The following CFAP53 variants were observed in gnomAD, a reference collection of about 807,000 sequenced individuals.
CFAP53 encodes cilia- and flagella-associated protein 53.
CFAP53 carries 62 observed loss-of-function variants against 59.7 expected under a neutral mutation model. The ratio of observed to expected loss-of-function variants is 1.04; its 90% CI spans 0.85 to 1.28. CFAP53 has a LOEUF of 1.28. Ranked by LOEUF, CFAP53 falls within the 50% of genes most tolerant of loss-of-function variation. CFAP53 has a pLI of 0.00. For missense variants in CFAP53, 629 were observed against 615.6 expected, an observed-to-expected ratio of 1.02 and a Z score of -0.23; for synonymous variants, 218 against 205.7, an observed-to-expected ratio of 1.06 and a Z score of -0.51.
intron 7 of CFAP53, among the ~76,000 whole-genome samples, chr18:50,233,998 A>T (rs1168644035): frequency 1.3e-5 from 2 of 152,132 alleles, no homozygotes; most frequent in African/African-American, 4.8e-5. Context: ...GCATCAGAAA[A>T]TCCGAGGGAT....
chr18:50,264,763 TTTTG>T (rs1306530056), intron 1 of CFAP53, among the ~76,000 whole-genome samples: 3 of 152,204 alleles, frequency 2.0e-5, no homozygotes, highest in Admixed American at 6.5e-5. Context: ...GGTTTAGTGT[TTTTG>T]TTTGTTTTCT....
At position 50,251,745 on chromosome 18, in the gene CFAP53, G is replaced by C; in HGVS notation, c.513C>G (p.Ile171Met). The change falls in exon 4 of 8, where the codon ATC becomes ATG. Residue 171 changes from isoleucine to methionine, a missense_variant. Transcript: ENST00000398545. ...CEELRVELLS[I>M]HQKKVCEERK... ...GCTCCTCACACACCTTCTTCTGATG[G>C]ATAGATAACAATTCAACACGGAGCT... is the stretch of plus-strand genomic sequence containing the variant. 1 of 1,614,142 alleles carries C rather than the reference G, an allele frequency of 6.2e-7. No individual in the cohort carries two copies. The highest frequency in any genetic ancestry group is 8.5e-7 in the Non-Finnish European group (1 of 1,180,026).
intron 5 of CFAP53, among the ~76,000 whole-genome samples, chr18:50,247,634 C>A (rs1375009432): frequency 1.3e-5 from 2 of 152,116 alleles, no homozygotes; most frequent in Non-Finnish European, 2.9e-5. Flanking sequence ...GCCACATAAA[C>A]AAATAAAATA....
chr18:50,266,089 A>T (rs1209768980), intron 1 of CFAP53, among the ~76,000 whole-genome samples: 1 of 152,224 alleles, frequency 6.6e-6, no homozygotes, highest in Non-Finnish European at 1.5e-5. Flanking sequence ...ACAGAACCTA[A>T]ATATTATAAC....
chr18:50,233,703 C>A (rs530450218), intron 7 of CFAP53, among the ~76,000 whole-genome samples: 2 of 152,360 alleles, frequency 1.3e-5, no homozygotes, highest in East Asian at 3.8e-4. Flanking sequence ...GGCACTTACT[C>A]CTCCCAGTAA....
chr18:50,246,493 A>G (rs2033746425), intron 5 of CFAP53, among the ~76,000 whole-genome samples: 1 of 152,248 alleles, frequency 6.6e-6, no homozygotes, highest in Admixed American at 6.5e-5. Flanking sequence ...AAAAGCCTAA[A>G]TGTAAAAGCT....
chr18:50,228,722 C>T (rs541428087), intron 7 of CFAP53, among the ~76,000 whole-genome samples: 5 of 152,102 alleles, frequency 3.3e-5, no homozygotes, highest in African/African-American at 9.6e-5. Flanking sequence ...ACCCAGGAGG[C>T]GGAGGTTGCA....
At position 50,250,760 on chromosome 18, in the gene CFAP53, T is replaced by C; in HGVS notation, c.994A>G (p.Arg332Gly). 6.2e-7 allele frequency: 1 copy of C among 1,613,792 alleles called. No individual in the cohort carries two copies. Reference protein sequence around the residue: ...QEEADKKKQKREDMIREQKIY... With the variant: ...QEEADKKKQKGEDMIREQKIY... Reference sequence around the variant, plus strand: ...CAGGCACCAAAAAAATGTCTTACTCTTTTTTGTTTCTTTTTATCTGCCTCT... The same window carrying C: ...CAGGCACCAAAAAAATGTCTTACTCCTTTTTGTTTCTTTTTATCTGCCTCT... Residue 332 changes from arginine (R) to glycine (G), a missense_variant and splice_region_variant, in exon 5 of 8, where the codon AGA becomes GGA. Arg to Gly is a moderately radical substitution (Grantham distance 125, BLOSUM62 -2). Transcript: ENST00000398545.
At chr18:50,240,298 AACTCATTCTGATTACCTGCTCCACCCTG>A (rs1361412049) in intron 6 of CFAP53, among the ~76,000 whole-genome samples, 1 of 141,170 alleles carries the variant, frequency 7.1e-6, no homozygotes, top group Admixed American at 7.0e-5. Flanking sequence ...GCTCCACCCT[AACTCATTCTGATTACCTGCTCCACCCTG>A]ACTCATTCCA....
At chr18:50,249,491 C>G (rs914269126) in intron 5 of CFAP53, among the ~76,000 whole-genome samples, 1 of 150,648 alleles carries the variant, frequency 6.6e-6, no homozygotes, top group Non-Finnish European at 1.5e-5. Flanking sequence ...GCACTCCAGC[C>G]TGAGTGACAG....
At chr18:50,232,494 A>G (rs1435438422) in intron 7 of CFAP53, among the ~76,000 whole-genome samples, 2 of 152,176 alleles carry the variant, frequency 1.3e-5, no homozygotes, top group African/African-American at 4.8e-5. Context: ...AACTGCCATC[A>G]GTGCAAAACG....
intron 5 of CFAP53, among the ~76,000 whole-genome samples, chr18:50,249,954 A>G (rs899122932): frequency 1.3e-5 from 2 of 152,090 alleles, no homozygotes; most frequent in African/African-American, 4.8e-5. Flanking sequence ...CAGGCACAGT[A>G]GTTCACACCT....
chr18:50,227,736 GAAGA>G, intron 7 of CFAP53, 127 bp from the exon 8 acceptor site: 2 of 687,712 alleles, frequency 2.9e-6, no homozygotes, highest in Non-Finnish European at 4.9e-6. Flanking sequence ...GGTGAGTGGA[GAAGA>G]AATAGATGAA....
Position 50,262,118 on chromosome 18 carries a change from A to G in CFAP53, c.171T>C (p.Ser57=). 6.2e-7 allele frequency: 1 copy of G among 1,614,194 alleles called. No individual in the cohort carries two copies. The change falls in exon 2 of 8, where the codon AGT becomes AGC. Residue 57 remains serine (S), a synonymous_variant. Transcript: ENST00000398545. ...ACTCAGCTTTCAAGCGATCCCGCTC[A>G]CTTGACTTAATGGAAGCCAAAATAG... is the stretch of plus-strand genomic sequence containing the variant. ...HNAILASIKS[S]ERDRLKAEWD... is the part of the protein sequence containing the mutation.
intron 2 of CFAP53, among the ~76,000 whole-genome samples, chr18:50,261,662 G>A (rs1293464543): frequency 1.3e-5 from 2 of 152,128 alleles, no homozygotes; most frequent in Non-Finnish European, 2.9e-5. Flanking sequence ...AAAGTGGTAG[G>A]ATTATAGGTA....
rs117097265 is a variant in CFAP53, at chr18:50,251,818, C to G, written c.474-34G>C. 1,351 of 1,584,438 alleles carry G rather than the reference C, an allele frequency of 8.5e-4. 20 individuals are homozygous for G. The East Asian group carries it at 0.023, about 27-fold the overall frequency. On this transcript the variant is annotated intron_variant, in intron 3 of 7. Coordinates refer to ENST00000398545, the MANE Select transcript of CFAP53 (RefSeq NM_145020.5). ...AAAATTTTAAAAAGACAAAACCCAG[C>G]CTTTCGTGAGGCACTGCTCTATTGA...
chr18:50,243,770 T>C lies in CFAP53; in HGVS notation c.997-654A>G, dbSNP rs556540650. Among the ~76,000 whole-genome samples, 317 of 152,038 alleles carry C rather than the reference T, an allele frequency of 2.1e-3. 1 individual carries two copies. The highest frequency in any genetic ancestry group is 6.8e-3 in the Middle Eastern group (2 of 294). On this transcript the variant is annotated intron_variant, in intron 5 of 7. Coordinates refer to ENST00000398545, the MANE Select transcript of CFAP53 (RefSeq NM_145020.5). ...ACTGAGACCATCCTGGCTAACATGGTGAAACCCCGTCTCTACTAAAAATAC... is the reference window on the plus strand; with the variant it reads ...ACTGAGACCATCCTGGCTAACATGGCGAAACCCCGTCTCTACTAAAAATAC...
chr18:50,228,158 C>T (rs2144397546), intron 7 of CFAP53, among the ~76,000 whole-genome samples: 1 of 151,872 alleles, frequency 6.6e-6, no homozygotes, highest in Non-Finnish European at 1.5e-5. Flanking sequence ...GAGGTTTCAT[C>T]ATTTTGGCCA....
chr18:50,263,462 C>T (rs1235203313), intron 1 of CFAP53, among the ~76,000 whole-genome samples: 1 of 152,148 alleles, frequency 6.6e-6, no homozygotes, highest in Non-Finnish European at 1.5e-5. Context: ...TCAGGGTACA[C>T]ATATAGGTAC....
Sources: gnomAD v4.1 joint callset for allele counts (sites outside exome capture counted in the v4.1 genomes callset) on GRCh38, gnomAD v4.1.1 for gene constraint, MANE v1.5 for transcripts, NCBI Gene and HGNC (gene_info 2026-07-23, HGNC 2026-07-21) for gene names.